The following NDUFA11 variants were observed in gnomAD, a reference collection of about 807,000 sequenced individuals.
NDUFA11 encodes the protein NADH:ubiquinone oxidoreductase subunit A11.
A neutral mutation model predicts 11.3 loss-of-function variants in NDUFA11; 14 were observed. The observed-to-expected ratio is 1.24, with a 90% CI of 0.82 to 1.94. NDUFA11 has a LOEUF of 1.94. NDUFA11 is among the 30% of genes most tolerant of loss of function. NDUFA11 has a pLI of 0.00. For missense variants in NDUFA11, 204 were observed against 200.3 expected, an observed-to-expected ratio of 1.02 and a Z score of -0.11; for synonymous variants, 87 against 85.6, an observed-to-expected ratio of 1.02 and a Z score of -0.09.
rs1214818256 is a variant in NDUFA11, at chr19:5,896,552, G to A, written c.214C>T (p.Leu72Phe). Residue 72 changes from leucine to phenylalanine, a missense_variant, in exon 3 of 4, where the codon CTC (leucine) becomes TTC (phenylalanine). Physicochemically the swap from Leu to Phe is conservative, Grantham distance 22. Coordinates refer to ENST00000308961, the MANE Select transcript of NDUFA11 (RefSeq NM_175614.5). The surrounding 1 kb of genome is among the most constrained non-coding windows in gnomAD (Gnocchi z 5.8). ...TAAAVGAVFG[L>F]TTCISAHVRE... Reference sequence around the variant, plus strand: ...ACATGGGCGCTGATGCAGGTGGTGAGGCCAAACACGGCCCCGACAGCAGCT... The same window carrying A: ...ACATGGGCGCTGATGCAGGTGGTGAAGCCAAACACGGCCCCGACAGCAGCT... The A allele has an allele frequency of 6.4e-7, 1 of 1,566,844 alleles. No homozygotes were observed. The highest frequency in any genetic ancestry group is 1.2e-5 in the South Asian group (1 of 85,186).
Position 5,903,681 on chromosome 19 carries a change from A to G in NDUFA11, c.28T>C (p.Trp10Arg). The change falls in exon 1 of 4, where the codon TGG becomes CGG. Residue 10 changes from tryptophan to arginine, a missense_variant. Coordinates refer to ENST00000308961, the MANE Select transcript of NDUFA11 (RefSeq NM_175614.5). Reference sequence around the variant, plus strand: ...CAATCGGTGCCATCGGGGATATCCCAGTACTGACGAAAAACCTTCGGCGCC... The same window carrying G: ...CAATCGGTGCCATCGGGGATATCCCGGTACTGACGAAAAACCTTCGGCGCC... MAPKVFRQY[W>R]DIPDGTDCHR... 1.3e-6 allele frequency: 2 copies of G among 1,551,542 alleles called. No homozygotes were observed. Among genetic ancestry groups the G allele is most frequent in the Non-Finnish European group, 1.7e-6 (2 of 1,146,916 alleles).
chr19:5,898,308 G>A (rs1228458074), intron 1 of NDUFA11, among the ~76,000 whole-genome samples: 1 of 152,174 alleles, frequency 6.6e-6, no homozygotes, highest in Admixed American at 6.5e-5. Flanking sequence ...AGGCCTGGCA[G>A]TGACCCCCCC....
At chr19:5,900,756 A>G (rs1163698589) in intron 1 of NDUFA11, among the ~76,000 whole-genome samples, 1 of 152,046 alleles carries the variant, frequency 6.6e-6, no homozygotes, top group Non-Finnish European at 1.5e-5. Context: ...TGTCTCTACT[A>G]AAAATACAAA....
chr19:5,898,188 A>T, intron 1 of NDUFA11, among the ~76,000 whole-genome samples: 1 of 152,050 alleles, frequency 6.6e-6, no homozygotes, highest in Non-Finnish European at 1.5e-5. Context: ...GCGAGCCTGG[A>T]CGCCAGGCAG....
At chr19:5,891,520 T>A, downstream of NDUFA11, 1 of 152,390 alleles carries the variant, frequency 6.6e-6, no homozygotes, top group Non-Finnish European at 1.5e-5. Flanking sequence ...CCTCCCAAAG[T>A]ACTGGGATTA....
At chr19:5,897,033 C>T (rs1047182897) in intron 1 of NDUFA11, 36 bp from the exon 2 acceptor site, 1 of 1,562,258 alleles carries the variant, frequency 6.4e-7, no homozygotes, top group Non-Finnish European at 8.8e-7. Flanking sequence ...TCAGACCCCA[C>T]TGCTGCTAAG....
intron 1 of NDUFA11, among the ~76,000 whole-genome samples, chr19:5,901,666 G>GT (rs71927291): frequency 1.9e-3 from 279 of 146,542 alleles, no homozygotes; most frequent in Non-Finnish European, 2.0e-3. Flanking sequence ...GTTTCTTTGG[G>GT]TTTTTTTTTT....
intron 1 of NDUFA11, among the ~76,000 whole-genome samples, chr19:5,898,314 C>G (rs570499327): frequency 6.6e-5 from 10 of 152,174 alleles, no homozygotes; most frequent in Admixed American, 3.9e-4. Flanking sequence ...GGCAGTGACC[C>G]CCCCCAACAG....
intron 1 of NDUFA11, among the ~76,000 whole-genome samples, chr19:5,897,201 C>T (rs1187695876): frequency 6.6e-6 from 1 of 152,196 alleles, no homozygotes; most frequent in African/African-American, 2.4e-5. Context: ...ACTTCCTTCC[C>T]CACTCCCCGC....
intron 1 of NDUFA11, among the ~76,000 whole-genome samples, chr19:5,898,141 G>A (rs999580518): frequency 6.6e-6 from 1 of 152,140 alleles, no homozygotes. Context: ...AGGGACCTCC[G>A]AGATGTAAAG....
downstream of NDUFA11, chr19:5,892,671 G>T: frequency 2.5e-6 from 1 of 403,358 alleles, no homozygotes; most frequent in Non-Finnish European, 4.3e-6. Flanking sequence ...GCCTGGGGAT[G>T]ACCGCCCGGG....
chr19:5,893,059 G>A (rs532390449), downstream of NDUFA11: 350 of 1,536,004 alleles, frequency 2.3e-4, no homozygotes, highest in Middle Eastern at 3.3e-4. The surrounding 1 kb of genome is among the most constrained non-coding windows in gnomAD (Gnocchi z 4.1). Flanking sequence ...ACCCAGCTCC[G>A]GAAGTGGACG....
downstream of NDUFA11, chr19:5,892,875 G>GC (rs1568429045): frequency 1.4e-6 from 2 of 1,409,414 alleles, no homozygotes; most frequent in Non-Finnish European, 1.8e-6. Context: ...GAAAGCTGAG[G>GC]CCTGGGTGCT....
At chr19:5,902,898 C>A (rs2057654766) in intron 1 of NDUFA11, among the ~76,000 whole-genome samples, 1 of 151,218 alleles carries the variant, frequency 6.6e-6, no homozygotes, top group South Asian at 2.1e-4. Flanking sequence ...GTAATCCCAG[C>A]TACTTGGGAG....
intron 1 of NDUFA11, among the ~76,000 whole-genome samples, chr19:5,897,977 C>T (rs957489229): frequency 1.5e-4 from 23 of 152,248 alleles, no homozygotes; most frequent in African/African-American, 5.5e-4. Flanking sequence ...CCTCTCCCTA[C>T]AGCCTCGAAA....
intron 1 of NDUFA11, chr19:5,899,882 C>T (rs2057634231): frequency 6.6e-6 from 1 of 152,176 alleles, no homozygotes; most frequent in African/African-American, 2.4e-5. Flanking sequence ...GAGGGAACCA[C>T]CGACAAGACT....
downstream of NDUFA11, chr19:5,894,567 G>T: frequency 7.5e-7 from 1 of 1,337,984 alleles, no homozygotes; most frequent in Non-Finnish European, 1.0e-6. Context: ...CAGGCGGCAG[G>T]CAGGCGCGTG....
At position 5,896,130 on chromosome 19, in the gene NDUFA11, A is replaced by C; in HGVS notation, c.313+323T>G. 1 of 562,348 alleles carries C rather than the reference A, an allele frequency of 1.8e-6. No individual in the cohort carries two copies. Among genetic ancestry groups the C allele is most frequent in the Non-Finnish European group, 3.1e-6 (1 of 317,514 alleles). The allele number at this position is 562,348 out of a possible 1,614,324, so 34.8% of individuals were successfully genotyped here. ...CAGGGTGGTCAGGACAGTGAGGGGA[A>C]CAGCATTCCACGCAGTGCACTGCCC... is the stretch of plus-strand genomic sequence containing the variant. On this transcript the variant is annotated intron_variant, in intron 3 of 3. Transcript: ENST00000308961. The surrounding 1 kb of genome is among the most constrained non-coding windows in gnomAD (Gnocchi z 5.8).
chr19:5,899,922 G>T (rs997895311), intron 1 of NDUFA11: 2 of 151,948 alleles, frequency 1.3e-5, no homozygotes, highest in African/African-American at 4.8e-5. Flanking sequence ...GTCACCGAGG[G>T]ACTCCTGGGC....
Sources: gnomAD v4.1 joint callset for allele counts (sites outside exome capture counted in the v4.1 genomes callset) on GRCh38, gnomAD v4.1.1 for gene constraint, Gnocchi (gnomAD v3.1) non-coding constraint, MANE v1.5 for transcripts, NCBI Gene and HGNC (gene_info 2026-07-23, HGNC 2026-07-21) for gene names.